The following NCKAP5 variants were observed in gnomAD, a reference collection of about 807,000 sequenced individuals.
NCKAP5 encodes nck-associated protein 5.
Under a neutral mutation model 167.0 loss-of-function variants are expected in NCKAP5, and 92 were observed. The ratio of observed to expected loss-of-function variants is 0.55; its 90% CI spans 0.47 to 0.66. The LOEUF is 0.66. NCKAP5 is among the 30% of genes least tolerant of loss of function. The pLI, the probability that NCKAP5 is intolerant of heterozygous loss-of-function variation, is 0.00. For missense variants in NCKAP5, 2,378 were observed against 2,315.0 expected, an observed-to-expected ratio of 1.03 and a Z score of -0.56; for synonymous variants, 891 against 877.4, an observed-to-expected ratio of 1.02 and a Z score of -0.27.
At chr2:133,184,940 A>AT (rs1414200075) in intron 5 of NCKAP5, among the ~76,000 whole-genome samples, 2 of 151,922 alleles carry the variant, frequency 1.3e-5, no homozygotes, top group African/African-American at 2.4e-5. Context: ...TTGAAAGTTT[A>AT]TTTTGCTATG....
chr2:132,797,629 A>G (rs1438284239), intron 11 of NCKAP5, among the ~76,000 whole-genome samples: 1 of 152,214 alleles, frequency 6.6e-6, no homozygotes, highest in Non-Finnish European at 1.5e-5. Context: ...TCGCTTCCGA[A>G]AAGTTTTTTC....
At chr2:133,317,960 G>A (rs1681734750) in intron 3 of NCKAP5, among the ~76,000 whole-genome samples, 1 of 152,158 alleles carries the variant, frequency 6.6e-6, no homozygotes, top group South Asian at 2.1e-4. Flanking sequence ...AGGGGGCTGT[G>A]TATATTTTCA....
chr2:133,592,898 G>T, the NCKAP5 span, among the ~76,000 whole-genome samples: 2 of 152,070 alleles, frequency 1.3e-5, no homozygotes, highest in Admixed American at 1.3e-4. Context: ...GGCTAGATGG[G>T]GATTAATCTG....
At chr2:132,796,341 G>C (rs897704814) in intron 12 of NCKAP5, among the ~76,000 whole-genome samples, 1 of 152,078 alleles carries the variant, frequency 6.6e-6, no homozygotes. Flanking sequence ...TTAATAAAAA[G>C]CTCCTTGACC....
chr2:133,647,515 AGGAAAGGAAAGGAAAGGAAAGGAG>A, the NCKAP5 span, among the ~76,000 whole-genome samples: 3,260 of 134,246 alleles, frequency 0.024, 113 homozygotes, highest in African/African-American at 0.064. Flanking sequence ...AGGAAAGGAA[AGGAAAGGAAAGGAAAGGAAAGGAG>A]GGAGGGAGGG....
At chr2:133,499,066 G>A (rs1682242902) in intron 3 of NCKAP5, among the ~76,000 whole-genome samples, 1 of 152,204 alleles carries the variant, frequency 6.6e-6, no homozygotes, top group Non-Finnish European at 1.5e-5. Context: ...GGAGTAGGTG[G>A]CTATGTAATA....
chr2:132,672,974 A>G lies in NCKAP5; in HGVS notation c.*315T>C, dbSNP rs991586265. ...GCGGTGCACCCCCCACCCCCCACCCATCATTTCTTAAGCGCTCCAGTCCCA... is the reference window on the plus strand; with the variant it reads ...GCGGTGCACCCCCCACCCCCCACCCGTCATTTCTTAAGCGCTCCAGTCCCA... On this transcript the variant is annotated 3_prime_UTR_variant, in exon 20 of 20. Transcript: ENST00000409261. 28 of 227,914 alleles carry G rather than the reference A, an allele frequency of 1.2e-4. No homozygotes were observed. The East Asian group carries it at 1.7e-3, about 14-fold the overall frequency. The allele number at this position is 227,914 out of a possible 1,614,324, so 14.1% of individuals were successfully genotyped here.
At chr2:133,549,813 T>C (rs1231412187) in intron 2 of NCKAP5, among the ~76,000 whole-genome samples, 1 of 149,610 alleles carries the variant, frequency 6.7e-6, no homozygotes, top group East Asian at 2.0e-4. Flanking sequence ...CAGGAGCTGG[T>C]TTTTTGAAAG....
chr2:133,205,292 T>C (rs1024508400), intron 5 of NCKAP5, among the ~76,000 whole-genome samples: 1 of 43,584 alleles, frequency 2.3e-5, no homozygotes, highest in African/African-American at 8.6e-5. Context: ...ACTCTGAAAT[T>C]AGATAGATAG....
chr2:132,823,108 T>G (rs145247077), intron 11 of NCKAP5, among the ~76,000 whole-genome samples: 60 of 152,324 alleles, frequency 3.9e-4, no homozygotes, highest in Middle Eastern at 3.4e-3. Flanking sequence ...AAGAGAAATC[T>G]AAAAGTTTGG....
chr2:133,329,315 A>T (rs1420380255), intron 3 of NCKAP5, among the ~76,000 whole-genome samples: 2 of 152,016 alleles, frequency 1.3e-5, no homozygotes, highest in East Asian at 1.9e-4. Flanking sequence ...GCAAGGGAGG[A>T]GGGGCTGGGG....
intron 2 of NCKAP5, among the ~76,000 whole-genome samples, chr2:133,538,897 G>A (rs1407223205): frequency 1.6e-5 from 2 of 123,036 alleles, no homozygotes; most frequent in Admixed American, 8.2e-5. Context: ...GATGTACCTA[G>A]TTTTTTTTTG....
chr2:133,052,150 A>C (rs2079626759), intron 6 of NCKAP5, among the ~76,000 whole-genome samples: 1 of 152,226 alleles, frequency 6.6e-6, no homozygotes, highest in South Asian at 2.1e-4. Flanking sequence ...AGAGCTTCAG[A>C]AAACCTTGCT....
intron 4 of NCKAP5, among the ~76,000 whole-genome samples, chr2:133,215,168 G>A (rs1051624247): frequency 6.6e-6 from 1 of 152,182 alleles, no homozygotes; most frequent in Admixed American, 6.5e-5. Flanking sequence ...GCCACAAAGG[G>A]ATGGAAGCCA....
At chr2:133,170,768 T>C (rs2084214672) in intron 5 of NCKAP5, among the ~76,000 whole-genome samples, 1 of 152,204 alleles carries the variant, frequency 6.6e-6, no homozygotes, top group Admixed American at 6.5e-5. Flanking sequence ...TTTCTACATT[T>C]CATTCCATAT....
intron 3 of NCKAP5, among the ~76,000 whole-genome samples, chr2:133,472,999 C>G (rs561345777): frequency 6.6e-6 from 1 of 152,082 alleles, no homozygotes; most frequent in East Asian, 1.9e-4. Flanking sequence ...AATTTCTTAC[C>G]ACTGCAACCA....
At chr2:132,738,194 T>A (rs747649855) in intron 16 of NCKAP5, among the ~76,000 whole-genome samples, 1 of 152,184 alleles carries the variant, frequency 6.6e-6, no homozygotes, top group Non-Finnish European at 1.5e-5. Context: ...GCCACAGAGA[T>A]AAGATCATTC....
intron 6 of NCKAP5, among the ~76,000 whole-genome samples, chr2:133,050,608 T>C (rs2079567207): frequency 6.6e-6 from 1 of 152,224 alleles, no homozygotes; most frequent in Admixed American, 6.5e-5. Context: ...TGGAATATAA[T>C]AGATGAAATT....
chr2:132,782,914 A>G lies in NCKAP5; in HGVS notation c.3897T>C (p.Thr1299=). 1.2e-6 allele frequency: 2 copies of G among 1,613,900 alleles called. No individual in the cohort carries two copies. The highest frequency in any genetic ancestry group is 1.7e-6 in the Non-Finnish European group (2 of 1,179,858). The change falls in exon 14 of 20, where the codon ACT becomes ACC. Residue 1299 remains threonine (T), a synonymous_variant. Coordinates refer to ENST00000409261, the MANE Select transcript of NCKAP5 (RefSeq NM_207363.3). ...PPIEGSGKVR[T]QIITNTAERG... ...TCTCGGCGGTATTGGTAATGATCTG[A>G]GTGCGGACTTTGCCTGACCCTTCGA...
Sources: gnomAD v4.1 joint callset for allele counts (sites outside exome capture counted in the v4.1 genomes callset) on GRCh38, gnomAD v4.1.1 for gene constraint, MANE v1.5 for transcripts, NCBI Gene and HGNC (gene_info 2026-07-23, HGNC 2026-07-21) for gene names.